The following SLC23A1 variants were observed in gnomAD, a reference collection of about 807,000 sequenced individuals.
The protein encoded by SLC23A1 is solute carrier family 23 member 1.
SLC23A1 carries 31 observed loss-of-function variants against 62.5 expected under a neutral mutation model. That is an observed-to-expected ratio of 0.50 (90% CI 0.37 to 0.67). The LOEUF (loss-of-function observed/expected upper bound fraction) is 0.67, where lower values mean the gene tolerates loss of function less well. Among genes scored for constraint, SLC23A1 ranks in the 30% least tolerant of loss-of-function variants. SLC23A1 has a pLI of 0.00. For synonymous variants in SLC23A1, 271 were observed against 313.2 expected, an observed-to-expected ratio of 0.87 and a Z score of 1.42; for missense variants, 640 against 782.7, an observed-to-expected ratio of 0.82 and a Z score of 2.18.
At chr5:139,375,041 C>T (rs1757880135) in intron 13 of SLC23A1, among the ~76,000 whole-genome samples, 1 of 152,212 alleles carries the variant, frequency 6.6e-6, no homozygotes, top group African/African-American at 2.4e-5. Context: ...AACCCTGGCC[C>T]TCCTCTGTCC....
chr5:139,380,059 A>G lies in SLC23A1; in HGVS notation c.665T>C (p.Ile222Thr), dbSNP rs1343379891. The G allele has an allele frequency of 6.2e-7, 1 of 1,612,460 alleles. No individual in the cohort carries two copies. The highest frequency in any genetic ancestry group is 8.5e-7 in the Non-Finnish European group (1 of 1,179,266). ...GISACSILLI[I>T]LFSQYLRNLT... ...GTTGCGCAGGTACTGGGAGAAGAGG[A>G]TGATCAGGAGAATGGAGCTGGGGGC... The change falls in exon 7 of 15, where the codon ATC becomes ACC. Residue 222 changes from isoleucine (I) to threonine (T), a missense_variant. By Grantham distance (89) the Ile-to-Thr change is moderately conservative. Coordinates refer to ENST00000348729, the MANE Select transcript of SLC23A1 (RefSeq NM_005847.5).
In SLC23A1 at chr5:139,378,563, T is replaced by C. The variant is rs1205774437; in HGVS notation, c.1179+16A>G. 6.4e-7 allele frequency: 1 copy of C among 1,564,074 alleles called. No homozygotes were observed. On this transcript the variant is annotated intron_variant, in intron 10 of 14. Coordinates refer to ENST00000348729, the MANE Select transcript of SLC23A1 (RefSeq NM_005847.5). The surrounding 1 kb of genome is among the most constrained non-coding windows in gnomAD (Gnocchi z 4.5). ...ACGGAATTAGGGCAGGATTTGGCTCTGGCTCGTCGCGACACCTTGGTAATT... is the reference window on the plus strand; with the variant it reads ...ACGGAATTAGGGCAGGATTTGGCTCCGGCTCGTCGCGACACCTTGGTAATT...
chr5:139,368,704 A>G lies in SLC23A1; in HGVS notation c.*20-1073T>C, dbSNP rs1581338567. The G allele has an allele frequency of 5.2e-6, 8 of 1,532,830 alleles. No homozygotes were observed. The East Asian group carries it at 1.6e-4, about 30-fold the overall frequency. 95.0% of individuals were successfully genotyped at this position (1,532,830 alleles called of 1,614,324 possible). A position where few individuals can be genotyped will look rare whatever the true frequency, so the allele number is the denominator to read the frequency against. On this transcript the variant is annotated intron_variant, in intron 14 of 14. Coordinates refer to ENST00000348729, the MANE Select transcript of SLC23A1 (RefSeq NM_005847.5). ...TTAGTACCTGAAACTGTGTTAATGA[A>G]CTTGCTTTTTTATGTACTTATTTTC...
At chr5:139,382,971 G>A (rs1758351949) in intron 1 of SLC23A1, among the ~76,000 whole-genome samples, 1 of 152,138 alleles carries the variant, frequency 6.6e-6, no homozygotes, top group Non-Finnish European at 1.5e-5. Flanking sequence ...GGAGATCCTT[G>A]GGGTGTCACT....
rs1487286582 is a variant in SLC23A1, at chr5:139,380,382, C to T, written c.473G>A (p.Gly158Asp). Residue 158 changes from glycine (G) to aspartate (D), a missense_variant, in exon 6 of 15, where the codon GGT (glycine) becomes GAT (aspartate). Gly to Asp is a moderately conservative substitution (Grantham distance 94). Coordinates refer to ENST00000348729, the MANE Select transcript of SLC23A1 (RefSeq NM_005847.5). The part of the protein sequence containing the change: ...IWHPRIREVQ[G>D]AIMVSSVVEV... Reference sequence around the variant, plus strand: ...CACCACGCTGGACACCATGATTGCACCCTGGACCTGGAAGGGCAAACATCA... The same window carrying T: ...CACCACGCTGGACACCATGATTGCATCCTGGACCTGGAAGGGCAAACATCA... 1 of 1,613,260 alleles carries T rather than the reference C, an allele frequency of 6.2e-7. No individual in the cohort carries two copies. Among genetic ancestry groups the T allele is most frequent in the East Asian group, 2.2e-5 (1 of 44,888 alleles).
chr5:139,372,156 C>T lies in SLC23A1; in HGVS notation c.1647G>A (p.Gly549=). The T allele has an allele frequency of 3.7e-6, 6 of 1,613,298 alleles. No individual in the cohort carries two copies. The highest frequency in any genetic ancestry group is 4.2e-6 in the Non-Finnish European group (5 of 1,179,182). Reference sequence around the variant, plus strand: ...AGGTAATTCTTTTTACTATGCCCATCCCAATGGGGAAATCGTAGCTCTTGA... The same window carrying T: ...AGGTAATTCTTTTTACTATGCCCATTCCAATGGGGAAATCGTAGCTCTTGA... ...SSLKSYDFPI[G]MGIVKRITFL... Residue 549 remains glycine (G), a synonymous_variant, in exon 14 of 15, where the codon GGG becomes GGA. Coordinates refer to ENST00000348729, the MANE Select transcript of SLC23A1 (RefSeq NM_005847.5).
At chr5:139,381,609 G>A (rs1489312458) in intron 3 of SLC23A1, among the ~76,000 whole-genome samples, 3 of 101,518 alleles carry the variant, frequency 3.0e-5, no homozygotes, top group South Asian at 3.1e-4. Flanking sequence ...GCAAAACTCC[G>A]TCTCCAAAAA....
intron 14 of SLC23A1, among the ~76,000 whole-genome samples, chr5:139,371,631 T>A (rs1032609093): frequency 1.3e-5 from 2 of 152,266 alleles, no homozygotes; most frequent in Non-Finnish European, 2.9e-5. Context: ...AAGTGATACT[T>A]GTTTAGCATA....
Position 139,379,377 on chromosome 5 carries a change from T to A in SLC23A1, c.926-23A>T. On this transcript the variant is annotated intron_variant, in intron 8 of 14. Transcript: ENST00000348729. This position sits in a 1 kb window ranked among gnomAD's most constrained non-coding sequence, Gnocchi z 4.7. ...GACCTGTGCTCGGAGGGAGACAGGATGGTGGCTACAGTGAGGAGACTGTGA... is the reference window on the plus strand; with the variant it reads ...GACCTGTGCTCGGAGGGAGACAGGAAGGTGGCTACAGTGAGGAGACTGTGA... 1 of 1,612,546 alleles carries A rather than the reference T, an allele frequency of 6.2e-7. No homozygotes were observed. Among genetic ancestry groups the A allele is most frequent in the Non-Finnish European group, 8.5e-7 (1 of 1,178,704 alleles).
chr5:139,373,790 G>A (rs1757806733), intron 13 of SLC23A1, among the ~76,000 whole-genome samples: 1 of 152,140 alleles, frequency 6.6e-6, no homozygotes, highest in East Asian at 1.9e-4. Flanking sequence ...ACCTTGATTG[G>A]GCTTGGCTGT....
chr5:139,372,363 T>A, intron 13 of SLC23A1, 110 bp from the exon 14 acceptor site: 1 of 1,053,992 alleles, frequency 9.5e-7, no homozygotes, highest in Non-Finnish European at 1.4e-6. Context: ...CTTCCTTAAC[T>A]ATCATTTGGT....
intron 5 of SLC23A1, 26 bp downstream of exon 5, chr5:139,380,539 T>G (rs781486451): frequency 1.2e-6 from 2 of 1,612,278 alleles, no homozygotes; most frequent in Non-Finnish European, 1.7e-6. Context: ...GGACCCGGCC[T>G]CTTCTATGCT....
intron 4 of SLC23A1, 66 bp from the exon 5 acceptor site, chr5:139,380,698 G>C: frequency 6.7e-7 from 1 of 1,483,560 alleles, no homozygotes; most frequent in South Asian, 1.1e-5. Context: ...AGAAGATGCT[G>C]CCATGGCTGC....
chr5:139,372,957 ATG>A (rs370709638), intron 13 of SLC23A1, among the ~76,000 whole-genome samples: 42 of 152,268 alleles, frequency 2.8e-4, no homozygotes, highest in African/African-American at 1.0e-3. Flanking sequence ...GTATGTGGTA[ATG>A]TGTGTTAGGC....
chr5:139,372,314 C>A, intron 13 of SLC23A1, 61 bp from the exon 14 acceptor site: 1 of 1,520,744 alleles, frequency 6.6e-7, no homozygotes, highest in South Asian at 1.2e-5. Flanking sequence ...CCCCACTTCC[C>A]ATAACCCAGT....
intron 13 of SLC23A1, among the ~76,000 whole-genome samples, chr5:139,373,507 C>G (rs1244923314): frequency 2.6e-5 from 4 of 152,114 alleles, no homozygotes; most frequent in Non-Finnish European, 5.9e-5. Context: ...GGAATTCTCC[C>G]TCAGGTGGGG....
At chr5:139,381,024 G>C (rs1581377257) in intron 3 of SLC23A1, 138 bp from the exon 4 acceptor site, 2 of 591,156 alleles carry the variant, frequency 3.4e-6, no homozygotes, top group African/African-American at 3.7e-5. Context: ...GGAAATCGTT[G>C]AGGCCCCAGG....
intron 13 of SLC23A1, among the ~76,000 whole-genome samples, 191 bp downstream of exon 13, chr5:139,377,211 C>T (rs1474165231): frequency 4.6e-5 from 7 of 152,172 alleles, no homozygotes; most frequent in African/African-American, 1.4e-4. Context: ...TCTTCAAGAC[C>T]TCTGAGGCAT....
At chr5:139,371,454 G>A (rs965885813) in intron 14 of SLC23A1, among the ~76,000 whole-genome samples, 1 of 152,198 alleles carries the variant, frequency 6.6e-6, no homozygotes, top group Admixed American at 6.6e-5. Context: ...AAGACCTAAG[G>A]ACAAAGTGTC....
Sources: gnomAD v4.1 joint callset for allele counts (sites outside exome capture counted in the v4.1 genomes callset) on GRCh38, gnomAD v4.1.1 for gene constraint, Gnocchi (gnomAD v3.1) non-coding constraint, MANE v1.5 for transcripts, NCBI Gene and HGNC (gene_info 2026-07-23, HGNC 2026-07-21) for gene names.